The following CSF1R variants were observed in gnomAD, a reference collection of about 807,000 sequenced individuals.
CSF1R encodes the protein colony stimulating factor 1 receptor.
CSF1R carries 40 observed loss-of-function variants against 110.0 expected under a neutral mutation model. The observed-to-expected ratio is 0.36, with a 90% CI of 0.28 to 0.47. The LOEUF is 0.47. Ranked by LOEUF, CSF1R falls within the 20% of genes least tolerant of loss-of-function variation. The probability of loss-of-function intolerance (pLI) is 0.99; values close to 1 mark genes in which losing one functional copy is unlikely to be tolerated. For missense variants in CSF1R, 1,052 were observed against 1,253.0 expected (o/e 0.84, Z 2.42); for synonymous variants, 523 against 503.4 (o/e 1.04, Z -0.52).
rs1275309683 is a variant in CSF1R at position 150,060,870 on chromosome 5, G to A, written c.1961C>T (p.Thr654Ile). The A allele has an allele frequency of 8.1e-6, 13 of 1,607,554 alleles. No individual in the cohort carries two copies. The highest frequency in any genetic ancestry group is 1.1e-5 in the Non-Finnish European group (13 of 1,176,794). ...ENIVNLLGACTHGGPVLVITE... is the reference protein window; with the variant it reads ...ENIVNLLGACIHGGPVLVITE... ...AACCCCAAGGCCCTTACCTCCATGG[G>A]TACAGGCTCCCAGAAGGTTGACGAT... The change falls in exon 13 of 21, where the codon ACC (threonine) becomes ATC (isoleucine). Residue 654 changes from threonine (T) to isoleucine (I), a missense_variant. This residue lies in a region of CSF1R where 76 missense variants were observed against 133.6 expected (regional missense o/e 0.57). Coordinates refer to ENST00000675795, the MANE Select transcript of CSF1R (RefSeq NM_001288705.3).
chr5:150,084,398 G>GAAAGAAA (rs1758727862), intron 1 of CSF1R, among the ~76,000 whole-genome samples: 1 of 25,026 alleles, frequency 4.0e-5, no homozygotes, highest in African/African-American at 2.6e-4. Context: ...AAAGAAGGAA[G>GAAAGAAA]GAAGGAAGGA....
intron 16 of CSF1R, among the ~76,000 whole-genome samples, chr5:150,056,885 C>G (rs1173275183): frequency 6.6e-6 from 1 of 152,150 alleles, no homozygotes; most frequent in Non-Finnish European, 1.5e-5. Flanking sequence ...CAAGAGCTCC[C>G]ATTCCCTGGC....
At chr5:150,110,489 G>A (rs1581357536) in intron 1 of CSF1R, among the ~76,000 whole-genome samples, 1 of 152,160 alleles carries the variant, frequency 6.6e-6, no homozygotes, top group East Asian at 1.9e-4. Context: ...TCTGGCACAG[G>A]CTTGCTTTTA....
chr5:150,082,148 G>A (rs1028943639), intron 1 of CSF1R, among the ~76,000 whole-genome samples: 1 of 152,236 alleles, frequency 6.6e-6, no homozygotes, highest in Non-Finnish European at 1.5e-5. Flanking sequence ...GTGAGGCTGG[G>A]CTCTGACGCT....
At chr5:150,074,807 A>G (rs1388680231) in intron 5 of CSF1R, among the ~76,000 whole-genome samples, 1 of 151,776 alleles carries the variant, frequency 6.6e-6, no homozygotes, top group African/African-American at 2.4e-5. Flanking sequence ...ATCAGGTCTC[A>G]CTGTGCTCAT....
In CSF1R at chr5:150,080,895, A is replaced by AT; in HGVS notation, c.178_179insA (p.Leu60HisfsTer4). 6.2e-7 allele frequency: 1 copy of AT among 1,614,180 alleles called. No homozygotes were observed. The highest frequency in any genetic ancestry group is 8.5e-7 in the Non-Finnish European group (1 of 1,180,028). ...GATGCTGCTGGAGCCATCAGAGTAC[A>AT]GGGTCCAGTGAGGTGATGGGGGGCC... On this transcript the variant is annotated frameshift_variant, in exon 2 of 21. Transcript: ENST00000675795. LOFTEE classifies it high-confidence loss of function.
In CSF1R at chr5:150,056,357, G is replaced by T; in HGVS notation, c.2320-16C>A. 1 of 1,614,046 alleles carries T rather than the reference G, an allele frequency of 6.2e-7. No individual in the cohort carries two copies. The highest frequency in any genetic ancestry group is 8.5e-7 in the Non-Finnish European group (1 of 1,179,942). On this transcript the variant is annotated splice_polypyrimidine_tract_variant and intron_variant, in intron 16 of 20. Coordinates refer to ENST00000675795, the MANE Select transcript of CSF1R (RefSeq NM_001288705.3). Reference sequence around the variant, plus strand: ...GGTGGATGCACTGAGGGAAAGCACTGCAGGGTTAGTCTTGGGCCTTCTCCT... The same window carrying T: ...GGTGGATGCACTGAGGGAAAGCACTTCAGGGTTAGTCTTGGGCCTTCTCCT...
intron 14 of CSF1R, among the ~76,000 whole-genome samples, chr5:150,058,730 T>C (rs1757364760): frequency 6.6e-6 from 1 of 151,772 alleles, no homozygotes; most frequent in African/African-American, 2.4e-5. Flanking sequence ...GATGGCCTCC[T>C]TCTCTTTTGC....
intron 13 of CSF1R, 138 bp from the exon 14 acceptor site, chr5:150,060,000 T>G: frequency 1.0e-6 from 1 of 976,158 alleles, no homozygotes; most frequent in African/African-American, 1.6e-5. Context: ...TGTGAGCAAG[T>G]TTCCTTGTGC....
At chr5:150,060,530 G>A (rs1381051102) in intron 13 of CSF1R, among the ~76,000 whole-genome samples, 1 of 151,972 alleles carries the variant, frequency 6.6e-6, no homozygotes, top group Non-Finnish European at 1.5e-5. Context: ...ATCCTTGAAT[G>A]GAAGCTTCAT....
chr5:150,103,956 G>A (rs192023164), intron 1 of CSF1R, among the ~76,000 whole-genome samples: 1 of 152,288 alleles, frequency 6.6e-6, no homozygotes, highest in Non-Finnish European at 1.5e-5. Context: ...AGGGACCCCA[G>A]CCTCAGAATC....
chr5:150,088,259 T>C (rs2113848697), upstream of CSF1R, among the ~76,000 whole-genome samples: 1 of 152,290 alleles, frequency 6.6e-6, no homozygotes, highest in East Asian at 1.9e-4. Flanking sequence ...CAAATAAACC[T>C]ATAACAAGAA....
In CSF1R at chr5:150,099,854, G is replaced by C. The variant is rs186778319; in HGVS notation, c.-180-13247C>G. ...AGTAGCAGAATTGTAGACTAAAAAG[G>C]GTCCATTTTATTGTGTGTAAATTAA... On this transcript the variant is annotated intron_variant, in intron 1 of 21. Coordinates refer to the CSF1R transcript ENST00000286301. Among the ~76,000 whole-genome samples, 8 of 152,112 alleles carry C rather than the reference G, an allele frequency of 5.3e-5. No individual in the cohort carries two copies. The East Asian group carries it at 9.6e-4, about 18-fold the overall frequency.
intron 1 of CSF1R, among the ~76,000 whole-genome samples, chr5:150,105,011 T>G (rs2113866755): frequency 6.6e-6 from 1 of 150,776 alleles, no homozygotes; most frequent in African/African-American, 2.4e-5. Flanking sequence ...CCTGAGTAGC[T>G]GGGACTATAG....
intron 1 of CSF1R, among the ~76,000 whole-genome samples, chr5:150,083,448 C>T (rs1026511020): frequency 6.6e-6 from 1 of 151,134 alleles, no homozygotes; most frequent in African/African-American, 2.4e-5. Context: ...AGGATCTCAT[C>T]GCAGTAATGA....
chr5:150,069,840 G>T (rs748727967), intron 9 of CSF1R, 33 bp downstream of exon 9: 26 of 1,129,592 alleles, frequency 2.3e-5, no homozygotes, highest in African/African-American at 1.9e-4. Flanking sequence ...GGGCGGGCGG[G>T]GGGGCGGTGC....
At chr5:150,063,929 G>A (rs565221984) in intron 10 of CSF1R, among the ~76,000 whole-genome samples, 30 of 152,292 alleles carry the variant, frequency 2.0e-4, no homozygotes, top group South Asian at 8.3e-4. Flanking sequence ...AGTGTGGACC[G>A]GTGCTAGGGA....
At position 150,069,930 on chromosome 5, in the gene CSF1R, A is replaced by G; in HGVS notation, c.1453T>C (p.Cys485Arg). Residue 485 changes from cysteine to arginine, a missense_variant, in exon 9 of 21, where the codon TGC (cysteine) becomes CGC (arginine). This residue lies in a region of CSF1R where 693 missense variants were observed against 735.4 expected (regional missense o/e 0.94). Coordinates refer to ENST00000675795, the MANE Select transcript of CSF1R (RefSeq NM_001288705.3). ...ETLEHNQTYE[C>R]RAHNSVGSGS... ...CTCCCCACGCTGTTGTGGGCCCTGC[A>G]CTCGTAGGTTTGGTTGTGCTCTAAG... 6.2e-7 allele frequency: 1 copy of G among 1,613,698 alleles called. No individual in the cohort carries two copies. The highest frequency in any genetic ancestry group is 8.5e-7 in the Non-Finnish European group (1 of 1,179,888).
rs758367457 is a variant in CSF1R, at chr5:150,059,900, A to C, written c.1970-38T>G. On this transcript the variant is annotated intron_variant, in intron 13 of 20. Transcript: ENST00000675795. ...AGGGTGTGGGGTGAGGGAGGTGCTG[A>C]GTGCTCCCCTCCATGAACAGGAGCA... is the stretch of plus-strand genomic sequence containing the variant. 3.2e-6 allele frequency: 5 copies of C among 1,582,412 alleles called. No individual in the cohort carries two copies. The East Asian group carries it at 1.1e-4, about 36-fold the overall frequency.
Sources: gnomAD v4.1 joint callset for allele counts (sites outside exome capture counted in the v4.1 genomes callset) on GRCh38, gnomAD v4.1.1 for gene constraint, gnomAD v4.1.1 regional missense constraint, MANE v1.5 for transcripts, NCBI Gene and HGNC (gene_info 2026-07-23, HGNC 2026-07-21) for gene names.